Variants in IWS1 observed in about 807,000 individuals in gnomAD.
The protein encoded by IWS1 is interacts with SUPT6H, CTD assembly factor 1.
Under a neutral mutation model 86.7 loss-of-function variants are expected in IWS1, and 27 were observed. That is an observed-to-expected ratio of 0.31 (90% CI 0.23 to 0.43). IWS1 has a LOEUF of 0.43. IWS1 is among the 20% of genes least tolerant of loss of function. IWS1 has a pLI of 1.00. For synonymous variants in IWS1, 313 were observed against 335.1 expected, an observed-to-expected ratio of 0.93 and a Z score of 0.72; for missense variants, 827 against 1,000.8, an observed-to-expected ratio of 0.83 and a Z score of 2.34.
chr2:127,522,827 CTGAAA>C (rs1692173118), intron 2 of IWS1, among the ~76,000 whole-genome samples: 2 of 152,140 alleles, frequency 1.3e-5, no homozygotes. Flanking sequence ...TAAAGCAGTT[CTGAAA>C]TATTTATGTA....
At chr2:127,524,981 C>A (rs909483618) in intron 1 of IWS1, among the ~76,000 whole-genome samples, 1 of 151,870 alleles carries the variant, frequency 6.6e-6, no homozygotes, top group East Asian at 1.9e-4. Flanking sequence ...CTCTGCCTCC[C>A]GGGCTCAGGG....
intron 13 of IWS1, among the ~76,000 whole-genome samples, chr2:127,484,248 C>T (rs1221706003): frequency 6.6e-6 from 1 of 152,156 alleles, no homozygotes. Flanking sequence ...GGAGGCAGAG[C>T]TTGCAGTGAG....
At chr2:127,482,679 T>C (rs1270353255) in intron 13 of IWS1, 1 of 152,308 alleles carries the variant, frequency 6.6e-6, no homozygotes, top group Non-Finnish European at 1.5e-5. Flanking sequence ...GATGGATCTG[T>C]CTAGCCTCAG....
Position 127,480,987 on chromosome 2 carries a change from C to T in IWS1, c.*57G>A. 6.5e-7 allele frequency: 1 copy of T among 1,543,748 alleles called. No individual in the cohort carries two copies. Among genetic ancestry groups the T allele is most frequent in the Non-Finnish European group, 8.7e-7 (1 of 1,146,930 alleles). On this transcript the variant is annotated 3_prime_UTR_variant, in exon 14 of 14. Transcript: ENST00000295321. ...AAATGTTTTAAAATATCTTCTTTCT[C>T]CAAAGAGTCCATTGCGCATTTCTTA...
chr2:127,481,260 C>T (rs1689607186), intron 13 of IWS1, 85 bp from the exon 14 acceptor site: 1 of 1,275,966 alleles, frequency 7.8e-7, no homozygotes, highest in African/African-American at 1.5e-5. Context: ...ACTGAGTTAG[C>T]AACCAGAAGA....
intron 2 of IWS1, among the ~76,000 whole-genome samples, chr2:127,516,062 G>C (rs935944319): frequency 2.0e-5 from 3 of 152,120 alleles, no homozygotes; most frequent in Non-Finnish European, 4.4e-5. Flanking sequence ...CGGCTTGTGA[G>C]ACCATGCCAA....
rs1319931660 is a variant in IWS1 at position 127,489,808 on chromosome 2, T to C, written c.2159+24A>G. 3.7e-5 allele frequency: 47 copies of C among 1,257,370 alleles called. No individual in the cohort carries two copies. The highest frequency in any genetic ancestry group is 5.1e-5 in the Non-Finnish European group (44 of 855,866). The allele number at this position is 1,257,370 out of a possible 1,614,324, so 77.9% of individuals were successfully genotyped here. Reference sequence around the variant, plus strand: ...ACTGCAACAATAACGTGTATTCCACTTACTCATACCTGTTCCCTCATACCT... The same window carrying C: ...ACTGCAACAATAACGTGTATTCCACCTACTCATACCTGTTCCCTCATACCT... On this transcript the variant is annotated intron_variant, in intron 11 of 13. Transcript: ENST00000295321. The surrounding 1 kb of genome is among the most constrained non-coding windows in gnomAD (Gnocchi z 4.8).
upstream of IWS1, among the ~76,000 whole-genome samples, chr2:127,527,155 G>C (rs563718724): frequency 6.6e-6 from 1 of 152,186 alleles, no homozygotes; most frequent in Admixed American, 6.5e-5. Context: ...TTTCTGGAAC[G>C]GCACACTGTA....
Position 127,501,560 on chromosome 2 carries a change from G to A in IWS1, c.1467+1255C>T, listed in dbSNP as rs528483106. Among the ~76,000 whole-genome samples, 35 of 151,978 alleles carry A rather than the reference G, an allele frequency of 2.3e-4. No homozygotes were observed. The South Asian group carries it at 3.7e-3, about 16-fold the overall frequency. On this transcript the variant is annotated intron_variant, in intron 5 of 13. Coordinates refer to ENST00000295321, the MANE Select transcript of IWS1 (RefSeq NM_017969.3). ...ATTCCAATTTTTGCGAAAACTTTTC[G>A]ATGTATAGTCTATATCTTTTCCTTT...
chr2:127,495,049 C>A, intron 7 of IWS1, 95 bp from the exon 8 acceptor site: 1 of 707,110 alleles, frequency 1.4e-6, no homozygotes, highest in South Asian at 2.3e-5. Context: ...AACAGTTTTT[C>A]AAAGAAACAA....
Position 127,504,745 on chromosome 2 carries a change from C to T in IWS1, c.1158G>A (p.Glu386=), listed in dbSNP as rs1210697211. Residue 386 remains glutamate, a synonymous_variant, in exon 3 of 14, where the codon GAG becomes GAA. Coordinates refer to ENST00000295321, the MANE Select transcript of IWS1 (RefSeq NM_017969.3). Reference sequence around the variant, plus strand: ...CAGCTTTTCTCTTCGCTACTTTCTCCTCCTCACCCTCTTTTTCATCTTCAT... The same window carrying T: ...CAGCTTTTCTCTTCGCTACTTTCTCTTCCTCACCCTCTTTTTCATCTTCAT... ...DSDEDEKEGE[E]EKVAKRKAAV... is the part of the protein sequence containing the mutation. 1 of 1,613,158 alleles carries T rather than the reference C, an allele frequency of 6.2e-7. No homozygotes were observed. Among genetic ancestry groups the T allele is most frequent in the South Asian group, 1.1e-5 (1 of 90,896 alleles).
rs1294357446 is a variant in IWS1 at position 127,481,145 on chromosome 2, G to A, written c.2359C>T (p.Arg787Ter). The A allele has an allele frequency of 6.2e-7, 1 of 1,609,356 alleles. No individual in the cohort carries two copies. The highest frequency in any genetic ancestry group is 8.5e-7 in the Non-Finnish European group (1 of 1,178,378). ...AACTTTCTCATCTGTTTATCCAGTCGACTGATACCCTTCTTGGAGGTCGCC... is the reference window on the plus strand; with the variant it reads ...AACTTTCTCATCTGTTTATCCAGTCAACTGATACCCTTCTTGGAGGTCGCC... ...FQATSKKGIS[R>*]LDKQMRKFTD... The change falls in exon 14 of 14, where the codon CGA (arginine) becomes TGA (stop). Residue 787 changes from arginine to a stop codon, truncating the protein, a stop_gained. Coordinates refer to ENST00000295321, the MANE Select transcript of IWS1 (RefSeq NM_017969.3). LOFTEE classifies it high-confidence loss of function.
chr2:127,481,515 C>G (rs965534848), intron 13 of IWS1, among the ~76,000 whole-genome samples: 3 of 152,146 alleles, frequency 2.0e-5, no homozygotes, highest in Non-Finnish European at 4.4e-5. Flanking sequence ...ATGCGTTTCC[C>G]TTTCGAAGAC....
chr2:127,497,777 T>G (rs1558750043), intron 6 of IWS1, among the ~76,000 whole-genome samples: 1 of 152,206 alleles, frequency 6.6e-6, no homozygotes, highest in Non-Finnish European at 1.5e-5. Context: ...TGAAATATGG[T>G]CAAGTAATAT....
chr2:127,510,290 T>C (rs1349647748), intron 2 of IWS1, among the ~76,000 whole-genome samples: 1 of 152,146 alleles, frequency 6.6e-6, no homozygotes, highest in Non-Finnish European at 1.5e-5. Context: ...ATGCTGTCAA[T>C]CCAATGTAGT....
At chr2:127,525,227 T>C (rs1309408731) in intron 1 of IWS1, among the ~76,000 whole-genome samples, 1 of 152,100 alleles carries the variant, frequency 6.6e-6, no homozygotes, top group African/African-American at 2.4e-5. Context: ...CCCAAAGTGC[T>C]GGGATTACAG....
At chr2:127,482,442 G>A (rs1239936413) in intron 13 of IWS1, 1 of 152,250 alleles carries the variant, frequency 6.6e-6, no homozygotes, top group Non-Finnish European at 1.5e-5. Flanking sequence ...AGTGTCAGAT[G>A]AGAAAGAGCT....
In IWS1 at chr2:127,489,116, T is replaced by C; in HGVS notation, c.2216+63A>G. Reference sequence around the variant, plus strand: ...AACATCATTTCATTTACTACTTTTCTTAAAGCAGCAAACGGAAATTCTCTA... The same window carrying C: ...AACATCATTTCATTTACTACTTTTCCTAAAGCAGCAAACGGAAATTCTCTA... On this transcript the variant is annotated intron_variant, in intron 12 of 13. Transcript: ENST00000295321. This position sits in a 1 kb window ranked among gnomAD's most constrained non-coding sequence, Gnocchi z 4.8. 1 of 1,185,920 alleles carries C rather than the reference T, an allele frequency of 8.4e-7. No individual in the cohort carries two copies. The highest frequency in any genetic ancestry group is 1.2e-6 in the Non-Finnish European group (1 of 811,588). 73.5% of individuals were successfully genotyped at this position (1,185,920 alleles called of 1,614,324 possible).
chr2:127,512,715 T>C (rs1440299020), intron 2 of IWS1, among the ~76,000 whole-genome samples: 2 of 152,182 alleles, frequency 1.3e-5, no homozygotes, highest in African/African-American at 2.4e-5. Flanking sequence ...TCCCTTCCTC[T>C]CAGTGCTTGG....
Sources: allele counts gnomAD v4.1 joint callset (sites outside exome capture counted in the v4.1 genomes callset), GRCh38; gene constraint gnomAD v4.1.1; non-coding constraint Gnocchi (gnomAD v3.1); transcripts MANE v1.5; gene names NCBI Gene and HGNC (gene_info 2026-07-23, HGNC 2026-07-21).